The following ST8SIA2 variants were observed in gnomAD, a reference collection of about 807,000 sequenced individuals.
The protein encoded by ST8SIA2 is alpha-2,8-sialyltransferase 8B.
ST8SIA2 carries 22 observed loss-of-function variants against 37.6 expected under a neutral mutation model. The ratio of observed to expected loss-of-function variants is 0.58; its 90% CI spans 0.42 to 0.83. The LOEUF (loss-of-function observed/expected upper bound fraction) is 0.83. Among genes scored for constraint, ST8SIA2 ranks in the 40% least tolerant of loss-of-function variants. The probability of loss-of-function intolerance (pLI) is 0.00; values close to 1 mark genes in which losing one functional copy is unlikely to be tolerated. For missense variants in ST8SIA2, 382 were observed against 484.7 expected (o/e 0.79, Z 1.99); for synonymous variants, 205 against 201.2 (o/e 1.02, Z -0.16).
intron 5 of ST8SIA2, among the ~76,000 whole-genome samples, chr15:92,451,948 A>C (rs1378629905): frequency 2.6e-5 from 4 of 152,208 alleles, no homozygotes; most frequent in Admixed American, 2.6e-4. Context: ...CAAGGCCAGG[A>C]TGGGTTTGAG....
At chr15:92,427,475 T>C (rs2049685351) in intron 1 of ST8SIA2, among the ~76,000 whole-genome samples, 1 of 152,264 alleles carries the variant, frequency 6.6e-6, no homozygotes, top group South Asian at 2.1e-4. Context: ...GAAACTGGGT[T>C]TGGGTTTGTT....
At chr15:92,463,406 C>A (rs2049970201) in intron 5 of ST8SIA2, among the ~76,000 whole-genome samples, 1 of 152,154 alleles carries the variant, frequency 6.6e-6, no homozygotes, top group Admixed American at 6.5e-5. Flanking sequence ...GGGTAGTCAC[C>A]CTTGGTCAGA....
chr15:92,461,045 G>C lies in ST8SIA2; in HGVS notation c.843-3055G>C, dbSNP rs1182819912. Among the ~76,000 whole-genome samples, 4 of 152,144 alleles carry C rather than the reference G, an allele frequency of 2.6e-5. No individual in the cohort carries two copies. In the East Asian group the frequency reaches 7.7e-4, roughly 29 times the overall value. ...TAGGAAGGTTTGGAGAGAGAGAAAGGGGCATGAAATGGGCCTTTCAAACGA... is the reference window on the plus strand; with the variant it reads ...TAGGAAGGTTTGGAGAGAGAGAAAGCGGCATGAAATGGGCCTTTCAAACGA... On this transcript the variant is annotated intron_variant, in intron 5 of 5. Transcript: ENST00000268164.
chr15:92,439,952 G>T (rs935925796), intron 4 of ST8SIA2, among the ~76,000 whole-genome samples: 2 of 151,988 alleles, frequency 1.3e-5, no homozygotes, highest in African/African-American at 4.8e-5. Flanking sequence ...CGGGGGAGGC[G>T]GGGGGGTGGC....
rs1353101891 is a variant in ST8SIA2, at chr15:92,468,285, G to C, written c.*3900G>C. 6.6e-6 allele frequency: 1 copy of C among 152,600 alleles called. No homozygotes were observed. Among genetic ancestry groups the C allele is most frequent in the Non-Finnish European group, 1.5e-5 (1 of 68,058 alleles). 9.5% of individuals were successfully genotyped at this position (152,600 alleles called of 1,614,324 possible). A position where few individuals can be genotyped will look rare whatever the true frequency, so the allele number is the denominator to read the frequency against. On this transcript the variant is annotated 3_prime_UTR_variant, in exon 6 of 6. Coordinates refer to ENST00000268164, the MANE Select transcript of ST8SIA2 (RefSeq NM_006011.4). ...TACAATTCTCTATTCTGACATTACA[G>C]ACCACCGGATAAGGCCCCATTCTTC... is the stretch of plus-strand genomic sequence containing the variant.
intron 1 of ST8SIA2, among the ~76,000 whole-genome samples, chr15:92,399,342 C>T (rs766184146): frequency 6.6e-6 from 1 of 152,218 alleles, no homozygotes; most frequent in Non-Finnish European, 1.5e-5. Context: ...CCATCCAGTA[C>T]ACCACGGCCA....
At chr15:92,420,223 G>A (rs1467970944) in intron 1 of ST8SIA2, among the ~76,000 whole-genome samples, 1 of 152,182 alleles carries the variant, frequency 6.6e-6, no homozygotes, top group African/African-American at 2.4e-5. Flanking sequence ...CAGAGGACGA[G>A]TCCTGCTTCA....
chr15:92,420,190 T>C (rs1412033213), intron 1 of ST8SIA2, among the ~76,000 whole-genome samples: 1 of 152,194 alleles, frequency 6.6e-6, no homozygotes, highest in Admixed American at 6.5e-5. Context: ...AAAGGCTGTC[T>C]CCTTTATAAG....
intron 5 of ST8SIA2, among the ~76,000 whole-genome samples, chr15:92,456,414 A>G (rs2049920099): frequency 6.6e-6 from 1 of 152,220 alleles, no homozygotes. Context: ...CCCACTTTAT[A>G]TATGTGCCAT....
chr15:92,430,974 A>T (rs1184817720), intron 2 of ST8SIA2, among the ~76,000 whole-genome samples: 1 of 152,130 alleles, frequency 6.6e-6, no homozygotes. Flanking sequence ...GAGACCTGTG[A>T]AGTACATCTG....
chr15:92,412,076 A>G (rs2049553319), intron 1 of ST8SIA2, among the ~76,000 whole-genome samples: 1 of 152,104 alleles, frequency 6.6e-6, no homozygotes, highest in South Asian at 2.1e-4. Flanking sequence ...CATTTGAGAG[A>G]TACCTCCTTC....
intron 1 of ST8SIA2, among the ~76,000 whole-genome samples, chr15:92,403,787 A>G (rs1195771610): frequency 2.0e-5 from 3 of 152,206 alleles, no homozygotes; most frequent in Non-Finnish European, 2.9e-5. Context: ...GGTTCCCACA[A>G]TTTGGGATTT....
At chr15:92,446,455 C>CATAG (rs2049843498) in intron 5 of ST8SIA2, among the ~76,000 whole-genome samples, 1 of 152,194 alleles carries the variant, frequency 6.6e-6, no homozygotes, top group Non-Finnish European at 1.5e-5. Context: ...GGGGAGTAGA[C>CATAG]ATAGATCCTG....
intron 5 of ST8SIA2, among the ~76,000 whole-genome samples, chr15:92,463,038 A>G (rs1272469564): frequency 6.6e-6 from 1 of 152,242 alleles, no homozygotes; most frequent in East Asian, 1.9e-4. Flanking sequence ...CATTGCATAA[A>G]TGTGAAACAT....
intron 1 of ST8SIA2, among the ~76,000 whole-genome samples, chr15:92,418,651 C>T (rs893289236): frequency 6.6e-6 from 1 of 152,102 alleles, no homozygotes; most frequent in African/African-American, 2.4e-5. Flanking sequence ...AGGCATCACT[C>T]TTACAGAGTG....
chr15:92,403,841 CA>C (rs2141800864), intron 1 of ST8SIA2, among the ~76,000 whole-genome samples: 1 of 152,242 alleles, frequency 6.6e-6, no homozygotes, highest in East Asian at 1.9e-4. Flanking sequence ...GTATGCTAAT[CA>C]AAACATTTAG....
At chr15:92,425,060 A>C (rs1200230690) in intron 1 of ST8SIA2, among the ~76,000 whole-genome samples, 1 of 151,708 alleles carries the variant, frequency 6.6e-6, no homozygotes, top group African/African-American at 2.4e-5. Flanking sequence ...TGATCTAAGC[A>C]TCTCTGTTTC....
intron 1 of ST8SIA2, among the ~76,000 whole-genome samples, chr15:92,416,771 G>A (rs1040310709): frequency 6.6e-6 from 1 of 152,030 alleles, no homozygotes; most frequent in Non-Finnish European, 1.5e-5. Flanking sequence ...TGTGATCTTC[G>A]GATGTGCCTC....
At chr15:92,413,470 T>C (rs1010613513) in intron 1 of ST8SIA2, among the ~76,000 whole-genome samples, 2 of 152,168 alleles carry the variant, frequency 1.3e-5, no homozygotes, top group African/African-American at 4.8e-5. Context: ...TTTATTTTTA[T>C]AGTGTTGTAT....
Sources: gnomAD v4.1 joint callset for allele counts (sites outside exome capture counted in the v4.1 genomes callset) on GRCh38, gnomAD v4.1.1 for gene constraint, MANE v1.5 for transcripts, NCBI Gene and HGNC (gene_info 2026-07-23, HGNC 2026-07-21) for gene names.